LEPR: variants seen among roughly 807,000 people sequenced by gnomAD.
LEPR encodes the protein leptin receptor, also known as OB receptor.
In LEPR, 56 loss-of-function variants were observed where a neutral mutation model predicts 114.7. The observed-to-expected ratio is 0.49, with a 90% CI of 0.39 to 0.61. The LOEUF (loss-of-function observed/expected upper bound fraction) is 0.61, where lower values mean the gene tolerates loss of function less well. Among genes scored for constraint, LEPR ranks in the 20% least tolerant of loss-of-function variants. The pLI, the probability that LEPR is intolerant of heterozygous loss-of-function variation, is 0.00. For synonymous variants in LEPR, 443 were observed against 461.4 expected, an observed-to-expected ratio of 0.96 and a Z score of 0.51; for missense variants, 1,202 against 1,352.9, an observed-to-expected ratio of 0.89 and a Z score of 1.75.
In LEPR at chr1:65,636,511, T is replaced by G. The variant is rs1658725377; in HGVS notation, c.2994T>G (p.Thr998=). 6 of 1,614,084 alleles carry G rather than the reference T, an allele frequency of 3.7e-6. 1 individual carries two copies. Among genetic ancestry groups the G allele is most frequent in the Non-Finnish European group, 5.1e-6 (6 of 1,179,994 alleles). ...TLISNSKPSE[T]GEEQGLINSS... The stretch of plus-strand genomic sequence containing the variant: ...TCAGCAACTCTAAACCAAGTGAAAC[T>G]GGTGAAGAACAAGGGCTTATAAATA... The change falls in exon 20 of 20, where the codon ACT becomes ACG. Residue 998 remains threonine (T), a synonymous_variant. Transcript: ENST00000349533.
At chr1:65,427,366 G>A (rs1646399521) in intron 2 of LEPR, among the ~76,000 whole-genome samples, 1 of 152,118 alleles carries the variant, frequency 6.6e-6, no homozygotes, top group South Asian at 2.1e-4. Context: ...TTGAAGCCAG[G>A]AGTTTGAGAC....
At chr1:65,635,071 G>A (rs1658671030) in intron 19 of LEPR, 1 of 886,588 alleles carries the variant, frequency 1.1e-6, no homozygotes, top group Non-Finnish European at 1.4e-6. Flanking sequence ...TTACTTAAGA[G>A]TATAAAACTA....
Position 65,616,132 on chromosome 1 carries a change from A to G in LEPR, c.2120A>G (p.Glu707Gly). 6.8e-6 allele frequency: 11 copies of G among 1,614,208 alleles called. No homozygotes were observed. Among genetic ancestry groups the G allele is most frequent in the Non-Finnish European group, 9.3e-6 (11 of 1,180,024 alleles). Residue 707 changes from glutamate (E) to glycine (G), a missense_variant, in exon 15 of 20, where the codon GAG becomes GGG. By Grantham distance (98) the Glu-to-Gly change is moderately conservative. Coordinates refer to ENST00000349533, the MANE Select transcript of LEPR (RefSeq NM_002303.6). Reference protein sequence around the residue: ...NHTKFTFLWTEQAHTVTVLAI... With the variant: ...NHTKFTFLWTGQAHTVTVLAI... Reference sequence around the variant, plus strand: ...ACGAAATTCACTTTCCTGTGGACAGAGCAAGCACATACTGTTACGGTTCTG... The same window carrying G: ...ACGAAATTCACTTTCCTGTGGACAGGGCAAGCACATACTGTTACGGTTCTG...
At position 65,616,005 on chromosome 1, in the gene LEPR, C is replaced by T; in HGVS notation, c.1996-3C>T. 3 of 1,614,076 alleles carry T rather than the reference C, an allele frequency of 1.9e-6. No individual in the cohort carries two copies. Among genetic ancestry groups the T allele is most frequent in the East Asian group, 2.2e-5 (1 of 44,860 alleles). ...AACTAATCAATTTCTATATTTACTA[C>T]AGCCCCTGATGAAAAATGACTCATT... On this transcript the variant is annotated splice_region_variant and splice_polypyrimidine_tract_variant and intron_variant, in intron 14 of 19. Transcript: ENST00000349533.
chr1:65,595,466 A>G (rs1283386844), intron 6 of LEPR, among the ~76,000 whole-genome samples: 1 of 152,206 alleles, frequency 6.6e-6, no homozygotes, highest in Non-Finnish European at 1.5e-5. Flanking sequence ...CTCTTTGGTC[A>G]TGGAAACACA....
At chr1:65,619,339 A>G (rs1211624785) in intron 16 of LEPR, among the ~76,000 whole-genome samples, 2 of 152,116 alleles carry the variant, frequency 1.3e-5, no homozygotes, top group African/African-American at 4.8e-5. Context: ...GAATATTCAT[A>G]TATTATTAGC....
At chr1:65,460,136 C>A (rs1316399437) in intron 2 of LEPR, among the ~76,000 whole-genome samples, 2 of 151,436 alleles carry the variant, frequency 1.3e-5, no homozygotes, top group Non-Finnish European at 2.9e-5. Flanking sequence ...TATTACATAT[C>A]AGCAATAAGA....
At chr1:65,489,815 T>C in intron 2 of LEPR, among the ~76,000 whole-genome samples, 1 of 152,130 alleles carries the variant, frequency 6.6e-6, no homozygotes. Context: ...TTTTCTGTAA[T>C]TCCAATTTGT....
intron 2 of LEPR, among the ~76,000 whole-genome samples, chr1:65,459,219 C>T (rs868036801): frequency 6.6e-6 from 1 of 152,290 alleles, no homozygotes; most frequent in Middle Eastern, 3.4e-3. Flanking sequence ...AAGATGTTGG[C>T]AGGCAGAGAA....
intron 2 of LEPR, among the ~76,000 whole-genome samples, chr1:65,450,854 T>C (rs1456399773): frequency 1.3e-5 from 2 of 151,846 alleles, no homozygotes; most frequent in East Asian, 3.9e-4. Flanking sequence ...ATCGCCACAC[T>C]GACTTCCACA....
intron 19 of LEPR, chr1:65,626,136 C>G: frequency 6.2e-7 from 1 of 1,612,352 alleles, no homozygotes; most frequent in East Asian, 2.2e-5. Context: ...ATGCCTGGCA[C>G]AAAGGAACTA....
At chr1:65,608,447 C>A (rs114307099) in intron 11 of LEPR, among the ~76,000 whole-genome samples, 6 of 151,866 alleles carry the variant, frequency 4.0e-5, no homozygotes, top group African/African-American at 7.3e-5. Context: ...TAGCCAGGAT[C>A]GGCATGTTAT....
chr1:65,505,568 G>A (rs1342782314), intron 2 of LEPR, among the ~76,000 whole-genome samples: 1 of 152,058 alleles, frequency 6.6e-6, no homozygotes, highest in African/African-American at 2.4e-5. Flanking sequence ...AGGTATCATC[G>A]TTTTAACCCA....
chr1:65,443,230 C>A (rs1051095045), intron 2 of LEPR, among the ~76,000 whole-genome samples: 1 of 151,948 alleles, frequency 6.6e-6, no homozygotes, highest in African/African-American at 2.4e-5. Context: ...TCAAAAAAAT[C>A]AATTGCTTTC....
Position 65,570,507 on chromosome 1 carries a change from A to G in LEPR, c.75A>G (p.Ser25=). The change falls in exon 4 of 20, where the codon TCA becomes TCG. Residue 25 remains serine (S), a synonymous_variant. Coordinates refer to ENST00000349533, the MANE Select transcript of LEPR (RefSeq NM_002303.6). ...FIYVITAFNL[S]YPITPWRFKL... ...ATGTGATAACTGCGTTTAACTTGTC[A>G]TATCCAATTACTCCTTGGAGATTTA... 6.2e-7 allele frequency: 1 copy of G among 1,613,888 alleles called. No individual in the cohort carries two copies. Among genetic ancestry groups the G allele is most frequent in the Non-Finnish European group, 8.5e-7 (1 of 1,179,940 alleles).
intron 2 of LEPR, among the ~76,000 whole-genome samples, chr1:65,478,132 T>C (rs766530139): frequency 2.6e-5 from 4 of 152,200 alleles, no homozygotes; most frequent in Non-Finnish European, 5.9e-5. Flanking sequence ...CCTAAATATG[T>C]GCAAGAGCTT....
chr1:65,513,867 A>C (rs1282563898), intron 2 of LEPR, among the ~76,000 whole-genome samples: 1 of 152,192 alleles, frequency 6.6e-6, no homozygotes, highest in East Asian at 1.9e-4. Flanking sequence ...TTTTCTTGAT[A>C]TTCTTTCAGG....
At chr1:65,606,124 T>C (rs1254621257) in intron 11 of LEPR, among the ~76,000 whole-genome samples, 1 of 152,152 alleles carries the variant, frequency 6.6e-6, no homozygotes, top group Non-Finnish European at 1.5e-5. Context: ...CACATTTGAA[T>C]TAAAACCTAT....
At chr1:65,586,655 T>A (rs953080197) in intron 5 of LEPR, among the ~76,000 whole-genome samples, 1 of 152,024 alleles carries the variant, frequency 6.6e-6, no homozygotes, top group African/African-American at 2.4e-5. Context: ...TAACCATTCT[T>A]AGCTCACAGG....
Sources: allele counts gnomAD v4.1 joint callset (sites outside exome capture counted in the v4.1 genomes callset), GRCh38; gene constraint gnomAD v4.1.1; transcripts MANE v1.5; gene names NCBI Gene and HGNC (gene_info 2026-07-23, HGNC 2026-07-21).